CBFB: variants seen among roughly 807,000 people sequenced by gnomAD.
CBFB encodes core-binding factor subunit beta.
A neutral mutation model predicts 30.4 loss-of-function variants in CBFB; 9 were observed. That is an observed-to-expected ratio of 0.30 (90% CI 0.18 to 0.52). The LOEUF is 0.52. CBFB is among the 20% of genes least tolerant of loss of function. The pLI, the probability that CBFB is intolerant of heterozygous loss-of-function variation, is 0.97. For missense variants in CBFB, 170 were observed against 244.0 expected (o/e 0.70, Z 2.02); for synonymous variants, 94 against 84.0 (o/e 1.12, Z -0.65).
intron 3 of CBFB, among the ~76,000 whole-genome samples, chr16:67,040,244 T>A (rs1361410364): frequency 6.6e-6 from 1 of 152,240 alleles, no homozygotes; most frequent in Non-Finnish European, 1.5e-5. Context: ...CTTCTCCAAA[T>A]GTTAATTATT....
intron 2 of CBFB, among the ~76,000 whole-genome samples, chr16:67,035,239 A>T (rs1031581279): frequency 7.2e-5 from 11 of 152,030 alleles, no homozygotes; most frequent in African/African-American, 2.7e-4. Context: ...GTCTGCCACC[A>T]TGCCCAGCTA....
chr16:67,091,864 GTTT>G (rs1961892492), intron 5 of CBFB, among the ~76,000 whole-genome samples: 1 of 150,162 alleles, frequency 6.7e-6, no homozygotes, highest in African/African-American at 2.5e-5. Flanking sequence ...TGTTGTTGTT[GTTT>G]GTTTGTTTGT....
At chr16:67,086,359 T>C (rs976844420) in intron 5 of CBFB, among the ~76,000 whole-genome samples, 1 of 152,244 alleles carries the variant, frequency 6.6e-6, no homozygotes, top group Non-Finnish European at 1.5e-5. Context: ...CTCAGTCTTC[T>C]TAGTCATAAT....
At chr16:67,050,546 A>G (rs767140254) in intron 3 of CBFB, among the ~76,000 whole-genome samples, 5 of 152,172 alleles carry the variant, frequency 3.3e-5, no homozygotes, top group Non-Finnish European at 4.4e-5. Flanking sequence ...TATAATCTCA[A>G]TGTTTTGGGA....
intron 3 of CBFB, among the ~76,000 whole-genome samples, chr16:67,043,771 CAG>C (rs1241297503): frequency 6.6e-6 from 1 of 152,178 alleles, no homozygotes; most frequent in Non-Finnish European, 1.5e-5. Context: ...CCCCTGTCTA[CAG>C]TTAGGCAATT....
At chr16:67,047,866 C>G (rs1026610560) in intron 3 of CBFB, among the ~76,000 whole-genome samples, 1 of 151,966 alleles carries the variant, frequency 6.6e-6, no homozygotes, top group Non-Finnish European at 1.5e-5. Flanking sequence ...GTTAGGAGTT[C>G]AAGACTAGCG....
intron 3 of CBFB, among the ~76,000 whole-genome samples, chr16:67,050,495 A>AATT (rs1388992886): frequency 5.3e-5 from 8 of 152,034 alleles, no homozygotes; most frequent in Non-Finnish European, 1.2e-4. Context: ...AACCTTAACT[A>AATT]ATAATAAAGT....
intron 3 of CBFB, among the ~76,000 whole-genome samples, chr16:67,040,831 A>G (rs1224904111): frequency 6.6e-6 from 1 of 152,208 alleles, no homozygotes; most frequent in Non-Finnish European, 1.5e-5. Context: ...TACCTGAACC[A>G]AGACACAAAG....
chr16:67,100,519 T>C lies in CBFB; in HGVS notation c.*1741T>C, dbSNP rs1962190096. On this transcript the variant is annotated 3_prime_UTR_variant, in exon 6 of 6. Coordinates refer to ENST00000412916, the MANE Select transcript of CBFB (RefSeq NM_022845.3). Reference sequence around the variant, plus strand: ...TGGTTTTGGTGTTGTACAGCTCACATGTTTACACACTCAGTGCCCTAATTT... The same window carrying C: ...TGGTTTTGGTGTTGTACAGCTCACACGTTTACACACTCAGTGCCCTAATTT... The C allele has an allele frequency of 4.4e-6, 1 of 228,508 alleles. No homozygotes were observed. The highest frequency in any genetic ancestry group is 8.7e-6 in the Non-Finnish European group (1 of 114,916). The allele number at this position is 228,508 out of a possible 1,614,324, so 14.2% of individuals were successfully genotyped here.
At chr16:67,045,806 T>C (rs1222696628) in intron 3 of CBFB, among the ~76,000 whole-genome samples, 1 of 151,608 alleles carries the variant, frequency 6.6e-6, no homozygotes, top group Non-Finnish European at 1.5e-5. Context: ...ATTTTTTTTT[T>C]TTTTTTTGAG....
At chr16:67,053,366 G>T (rs974135878) in intron 3 of CBFB, among the ~76,000 whole-genome samples, 1 of 148,838 alleles carries the variant, frequency 6.7e-6, no homozygotes, top group African/African-American at 2.5e-5. Flanking sequence ...CCATTCTCCT[G>T]CCTCAGCCTC....
intron 3 of CBFB, among the ~76,000 whole-genome samples, chr16:67,051,717 G>A (rs1339443967): frequency 1.3e-5 from 2 of 150,784 alleles, no homozygotes; most frequent in Admixed American, 6.6e-5. Flanking sequence ...TCAAGTCTAC[G>A]TTAAATGTAT....
At chr16:67,051,912 T>C (rs941561677) in intron 3 of CBFB, among the ~76,000 whole-genome samples, 26 of 144,024 alleles carry the variant, frequency 1.8e-4, no homozygotes, top group South Asian at 1.3e-3. Context: ...TATATGTGTA[T>C]ACACACACAC....
chr16:67,032,360 A>C (rs1371017415), intron 2 of CBFB, among the ~76,000 whole-genome samples: 1 of 152,198 alleles, frequency 6.6e-6, no homozygotes, highest in African/African-American at 2.4e-5. Flanking sequence ...GACACATTTT[A>C]CAAGTTTTAA....
Position 67,029,505 on chromosome 16 carries a change from G to T in CBFB, c.78+20G>T. On this transcript the variant is annotated intron_variant, in intron 1 of 5. Coordinates refer to ENST00000412916, the MANE Select transcript of CBFB (RefSeq NM_022845.3). ...TGTGAGGTGAGGCAGGCGGGCGGGC[G>T]GCTAGGAGGCCGCAGCGCGCCCCGA... The T allele has an allele frequency of 6.3e-7, 1 of 1,575,554 alleles. No individual in the cohort carries two copies. The highest frequency in any genetic ancestry group is 1.8e-5 in the Admixed American group (1 of 55,714).
At chr16:67,043,090 A>G (rs1209116724) in intron 3 of CBFB, among the ~76,000 whole-genome samples, 2 of 152,112 alleles carry the variant, frequency 1.3e-5, no homozygotes, top group African/African-American at 2.4e-5. Flanking sequence ...TTTATGATCT[A>G]TTATTTGAGT....
rs185542568 is a variant in CBFB at position 67,063,400 on chromosome 16, G to A, written c.283-3282G>A. Reference sequence around the variant, plus strand: ...AGAAATGATTGGGTTCAGTAGTGAAGGGGAATGACACAAATATGTACCAGG... The same window carrying A: ...AGAAATGATTGGGTTCAGTAGTGAAAGGGAATGACACAAATATGTACCAGG... On this transcript the variant is annotated intron_variant, in intron 3 of 5. Coordinates refer to ENST00000412916, the MANE Select transcript of CBFB (RefSeq NM_022845.3). 5.9e-5 allele frequency among the ~76,000 whole-genome samples: 9 copies of A among 152,236 alleles called. No homozygotes were observed. The East Asian group carries it at 1.7e-3, about 29-fold the overall frequency.
chr16:67,038,683 G>T (rs1597124309), intron 3 of CBFB, among the ~76,000 whole-genome samples: 1 of 151,688 alleles, frequency 6.6e-6, no homozygotes, highest in African/African-American at 2.4e-5. Flanking sequence ...GTGCGTGTAT[G>T]TGTGACTAAA....
chr16:67,051,925 A>G (rs1054157614), intron 3 of CBFB, among the ~76,000 whole-genome samples: 1 of 150,978 alleles, frequency 6.6e-6, no homozygotes, highest in Non-Finnish European at 1.5e-5. Flanking sequence ...ACACACACAC[A>G]CACACACACA....
Sources: allele counts gnomAD v4.1 joint callset (sites outside exome capture counted in the v4.1 genomes callset), GRCh38; gene constraint gnomAD v4.1.1; transcripts MANE v1.5; gene names NCBI Gene and HGNC (gene_info 2026-07-23, HGNC 2026-07-21).